The following TXNRD1 variants were observed in gnomAD, a reference collection of about 807,000 sequenced individuals.
The protein encoded by TXNRD1 is thioredoxin reductase 1.
TXNRD1 carries 57 observed loss-of-function variants against 80.3 expected under a neutral mutation model. The observed-to-expected ratio is 0.71, with a 90% confidence interval of 0.57 to 0.89. TXNRD1 has a LOEUF of 0.89. Ranked by LOEUF, TXNRD1 falls within the 40% of genes least tolerant of loss-of-function variation. The pLI, the probability that TXNRD1 is intolerant of heterozygous loss-of-function variation, is 0.00. For synonymous variants in TXNRD1, 291 were observed against 285.2 expected (o/e 1.02, Z -0.20); for missense variants, 730 against 803.0 (o/e 0.91, Z 1.10).
intron 3 of TXNRD1, among the ~76,000 whole-genome samples, chr12:104,278,501 A>ATTTT (rs34336501): frequency 2.5e-4 from 26 of 105,126 alleles, no homozygotes; most frequent in African/African-American, 7.5e-4. Context: ...GCCCAGCCTA[A>ATTTT]TTTTTTTTTT....
chr12:104,240,232 G>A (rs937858356), intron 1 of TXNRD1, among the ~76,000 whole-genome samples: 2 of 152,186 alleles, frequency 1.3e-5, no homozygotes, highest in African/African-American at 4.8e-5. Flanking sequence ...AACAGAAAAT[G>A]TTACTGAATC....
intron 1 of TXNRD1, among the ~76,000 whole-genome samples, chr12:104,244,083 T>G (rs1312948356): frequency 6.6e-6 from 1 of 152,234 alleles, no homozygotes; most frequent in Non-Finnish European, 1.5e-5. Flanking sequence ...AACTAGAGCT[T>G]CTTCCCACAG....
chr12:104,216,010 G>C, intron 1 of TXNRD1, 117 bp downstream of exon 1: 1 of 824,812 alleles, frequency 1.2e-6, no homozygotes, highest in Non-Finnish European at 1.8e-6. Context: ...ACTGGAGTCA[G>C]TGACTGACCG....
chr12:104,290,716 T>C (rs1389941581), intron 4 of TXNRD1, among the ~76,000 whole-genome samples: 1 of 68,922 alleles, frequency 1.5e-5, no homozygotes, highest in Non-Finnish European at 2.7e-5. Flanking sequence ...AAAAAAGAAA[T>C]ATACATATAT....
intron 3 of TXNRD1, among the ~76,000 whole-genome samples, chr12:104,270,733 T>G (rs560068432): frequency 1.3e-5 from 2 of 152,292 alleles, no homozygotes; most frequent in East Asian, 3.9e-4. Context: ...GCCTAATGTA[T>G]GTTTTTCCTC....
rs2036570803 is a variant in TXNRD1, at chr12:104,348,811, TTAA to T, written c.*392_*394del. 1.1e-5 allele frequency: 2 copies of T among 188,874 alleles called. No homozygotes were observed. Among genetic ancestry groups the T allele is most frequent in the African/African-American group, 2.4e-5 (1 of 42,418 alleles). The allele number at this position is 188,874 out of a possible 1,614,324, so 11.7% of individuals were successfully genotyped here. On this transcript the variant is annotated 3_prime_UTR_variant, in exon 17 of 17. Coordinates refer to ENST00000525566, the MANE Select transcript of TXNRD1 (RefSeq NM_001093771.3). ...ATTTTTTTCTTTTTTCTCCATGGTG[TTAA>T]TGATATTAGAGATGAAAAACGTTAG... is the stretch of plus-strand genomic sequence containing the variant.
At chr12:104,309,280 T>C (rs1262774677) in intron 4 of TXNRD1, among the ~76,000 whole-genome samples, 1 of 152,198 alleles carries the variant, frequency 6.6e-6, no homozygotes, top group Non-Finnish European at 1.5e-5. Flanking sequence ...CTACAGTGCT[T>C]AAAAATGGTG....
rs748545887 is a variant in TXNRD1 at position 104,304,019 on chromosome 12, G to C, written c.415-7271G>C. ...GGCCGACGTAGACCCAAAGCTCCTG[G>C]AGCTCACCGCTGACGAGGAGAAGTG... On this transcript the variant is annotated intron_variant, in intron 4 of 16. Coordinates refer to ENST00000525566, the MANE Select transcript of TXNRD1 (RefSeq NM_001093771.3). 1.4e-5 allele frequency: 22 copies of C among 1,612,362 alleles called. No individual in the cohort carries two copies. The South Asian group carries it at 2.2e-4, about 16-fold the overall frequency.
chr12:104,253,945 A>C (rs553946384), intron 2 of TXNRD1, among the ~76,000 whole-genome samples: 17 of 152,238 alleles, frequency 1.1e-4, no homozygotes, highest in African/African-American at 4.1e-4. Flanking sequence ...CTCCCACCCC[A>C]GCCTCCAAAA....
chr12:104,299,628 G>A (rs909831142), intron 4 of TXNRD1, among the ~76,000 whole-genome samples: 2 of 151,800 alleles, frequency 1.3e-5, no homozygotes, highest in Admixed American at 6.6e-5. Context: ...TTAGCCAGGC[G>A]TGGTGACTCG....
chr12:104,309,869 T>G, intron 4 of TXNRD1: 1 of 1,535,884 alleles, frequency 6.5e-7, no homozygotes, highest in South Asian at 1.2e-5. Context: ...AGTGGTGCAG[T>G]CTTGCCCCCA....
At chr12:104,257,086 C>G (rs1429462527) in intron 2 of TXNRD1, among the ~76,000 whole-genome samples, 1 of 147,052 alleles carries the variant, frequency 6.8e-6, no homozygotes, top group Non-Finnish European at 1.5e-5. Context: ...TGGTTCTAAA[C>G]TTTCCTAAAT....
intron 14 of TXNRD1, 39 bp downstream of exon 14, chr12:104,331,680 A>C: frequency 2.2e-6 from 3 of 1,353,112 alleles, no homozygotes; most frequent in Middle Eastern, 2.1e-4. Context: ...TTATATCACT[A>C]CTTTTTTTTC....
At chr12:104,255,120 A>T (rs76226668) in intron 2 of TXNRD1, among the ~76,000 whole-genome samples, 5,824 of 152,066 alleles carry the variant, frequency 0.038, 264 homozygotes, top group African/African-American at 0.11. Flanking sequence ...AATAAATAAA[A>T]AAAATAAAAA....
chr12:104,291,973 G>A (rs1363232122), intron 4 of TXNRD1, among the ~76,000 whole-genome samples: 1 of 152,202 alleles, frequency 6.6e-6, no homozygotes, highest in Non-Finnish European at 1.5e-5. Flanking sequence ...AGAATTGAGT[G>A]CTTATAGTCC....
chr12:104,259,490 CTTTT>C (rs574276851), intron 3 of TXNRD1, among the ~76,000 whole-genome samples: 3 of 128,722 alleles, frequency 2.3e-5, no homozygotes, highest in African/African-American at 3.0e-5. Context: ...AGTTTCATTT[CTTTT>C]TTTTTTTTTT....
intron 6 of TXNRD1, among the ~76,000 whole-genome samples, chr12:104,313,643 A>AC (rs1425789476): frequency 2.6e-5 from 4 of 152,182 alleles, no homozygotes; most frequent in African/African-American, 9.7e-5. Flanking sequence ...TTTTAAATCT[A>AC]CCTCCTACAT....
chr12:104,224,584 C>T (rs1431999651), intron 1 of TXNRD1, among the ~76,000 whole-genome samples: 3 of 152,090 alleles, frequency 2.0e-5, no homozygotes, highest in Admixed American at 6.6e-5. Context: ...CGGGGTTTCA[C>T]CATGTTGGCC....
At chr12:104,232,914 C>T (rs1352498161) in intron 1 of TXNRD1, among the ~76,000 whole-genome samples, 3 of 152,190 alleles carry the variant, frequency 2.0e-5, no homozygotes, top group Non-Finnish European at 4.4e-5. Flanking sequence ...TGTCCTATCT[C>T]CATTGGCTGG....
Sources: gnomAD v4.1 joint callset for allele counts (sites outside exome capture counted in the v4.1 genomes callset) on GRCh38, gnomAD v4.1.1 for gene constraint, MANE v1.5 for transcripts, NCBI Gene and HGNC (gene_info 2026-07-23, HGNC 2026-07-21) for gene names.